Variants in TNNT3 observed in about 807,000 individuals in gnomAD.
TNNT3 encodes the protein troponin T, fast skeletal muscle.
In TNNT3, 36 loss-of-function variants were observed where a neutral mutation model predicts 54.2. That is an observed-to-expected ratio of 0.66 (90% CI 0.51 to 0.88). The LOEUF (loss-of-function observed/expected upper bound fraction) is 0.88. TNNT3 is among the 40% of genes least tolerant of loss of function. TNNT3 has a pLI of 0.00. For missense variants in TNNT3, 291 were observed against 331.6 expected (o/e 0.88, Z 0.95); for synonymous variants, 120 against 109.7 (o/e 1.09, Z -0.59).
chr11:1,936,103 C>A (rs1435958093), intron 14 of TNNT3: 26 of 1,235,192 alleles, frequency 2.1e-5, no homozygotes, highest in Non-Finnish European at 2.9e-5. Flanking sequence ...CCACAGCGGG[C>A]CCCCAGGGGC....
At chr11:1,925,467 G>A (rs1851320315) in intron 5 of TNNT3, 4 of 667,730 alleles carry the variant, frequency 6.0e-6, no homozygotes, top group East Asian at 2.7e-5. Context: ...ATGGGGTCTC[G>A]AGGGTGGGCC....
chr11:1,928,480 G>C (rs903633839), intron 6 of TNNT3, among the ~76,000 whole-genome samples: 1 of 152,202 alleles, frequency 6.6e-6, no homozygotes, highest in Non-Finnish European at 1.5e-5. Flanking sequence ...GCAAGCCCCA[G>C]GGAGGTCAGG....
chr11:1,929,278 G>C, intron 7 of TNNT3, 135 bp downstream of exon 7: 1 of 1,166,846 alleles, frequency 8.6e-7, no homozygotes, highest in South Asian at 1.2e-5. Flanking sequence ...TGGCACGGGG[G>C]CCTCGGAGGG....
chr11:1,929,245 C>T, intron 7 of TNNT3, 102 bp downstream of exon 7: 1 of 1,375,352 alleles, frequency 7.3e-7, no homozygotes, highest in Admixed American at 1.7e-5. Context: ...CCTCCTCCTC[C>T]CTCTGTCCTC....
Position 1,933,850 on chromosome 11 carries a change from G to T in TNNT3, c.288+13G>T, listed in dbSNP as rs1342771399. The T allele has an allele frequency of 6.2e-7, 1 of 1,612,098 alleles. No individual in the cohort carries two copies. The highest frequency in any genetic ancestry group is 1.3e-5 in the African/African-American group (1 of 74,932). ...CAAAGAGAGAATCGTGAGTGGGGCA[G>T]TTCAGGTTGCAGCAGGGGCTGGTGG... On this transcript the variant is annotated intron_variant, in intron 10 of 15. Coordinates refer to ENST00000278317, the MANE Select transcript of TNNT3 (RefSeq NM_006757.4).
intron 14 of TNNT3, chr11:1,936,173 C>T: frequency 6.2e-7 from 1 of 1,613,042 alleles, no homozygotes; most frequent in Non-Finnish European, 8.5e-7. Context: ...CTCGATGCCC[C>T]AGCCGCCCAT....
chr11:1,934,520 C>T (rs755747449), intron 12 of TNNT3, 26 bp from the exon 13 acceptor site: 1 of 1,607,388 alleles, frequency 6.2e-7, no homozygotes. Context: ...AGACCAGGCC[C>T]CTCTCTTTGG....
chr11:1,924,173 C>A (rs1850853055), intron 4 of TNNT3, among the ~76,000 whole-genome samples: 1 of 152,176 alleles, frequency 6.6e-6, no homozygotes, highest in African/African-American at 2.4e-5. Flanking sequence ...CATTTCTCCA[C>A]CTCCATCTCC....
chr11:1,925,212 G>A, intron 5 of TNNT3, 96 bp downstream of exon 5: 6 of 1,604,618 alleles, frequency 3.7e-6, no homozygotes, highest in Non-Finnish European at 5.1e-6. Context: ...GGATTGCTGT[G>A]TGCCCCTGTC....
In TNNT3 at chr11:1,929,102, C is replaced by A; in HGVS notation, c.83-18C>A. 1 of 1,613,314 alleles carries A rather than the reference C, an allele frequency of 6.2e-7. No individual in the cohort carries two copies. The highest frequency in any genetic ancestry group is 1.7e-5 in the Admixed American group (1 of 60,036). On this transcript the variant is annotated intron_variant, in intron 6 of 15. Coordinates refer to ENST00000278317, the MANE Select transcript of TNNT3 (RefSeq NM_006757.4). ...CTTTTCTCTTGCATGTGTGCTTGTGCCTTTTGCCACCTGGAAGACACCGCA... is the reference window on the plus strand; with the variant it reads ...CTTTTCTCTTGCATGTGTGCTTGTGACTTTTGCCACCTGGAAGACACCGCA...
chr11:1,922,904 C>A lies in TNNT3; in HGVS notation c.17+13C>A. ...CTGACGAGGAAGTGTGAGTACCCAGCTGGTGGCTGCCCCCTGCCTGGCTCG... is the reference window on the plus strand; with the variant it reads ...CTGACGAGGAAGTGTGAGTACCCAGATGGTGGCTGCCCCCTGCCTGGCTCG... On this transcript the variant is annotated intron_variant, in intron 2 of 15. Coordinates refer to ENST00000278317, the MANE Select transcript of TNNT3 (RefSeq NM_006757.4). The A allele has an allele frequency of 6.2e-7, 1 of 1,613,804 alleles. No individual in the cohort carries two copies. The highest frequency in any genetic ancestry group is 8.5e-7 in the Non-Finnish European group (1 of 1,180,024).
chr11:1,927,095 C>T (rs76909371), intron 6 of TNNT3, among the ~76,000 whole-genome samples: 21,950 of 152,140 alleles, frequency 0.14, 1,812 homozygotes, highest in Middle Eastern at 0.2. Context: ...CAGGAGAGGC[C>T]TCCACCCTGC....
rs2133464693 is a variant in TNNT3, at chr11:1,934,340, G to A, written c.375G>A (p.Lys125=). Residue 125 remains lysine (K), a synonymous_variant, in exon 12 of 16, where the codon AAG becomes AAA. Transcript: ENST00000278317. The part of the protein sequence containing the change: ...RERQNRLAEE[K]ARREEEDAKR... ...GAATGGGGTCTCCACAGGAGGAAAA[G>A]GCCAGAAGGGAGGAGGAGGATGCCA... The A allele has an allele frequency of 6.2e-7, 1 of 1,613,734 alleles. No individual in the cohort carries two copies. The highest frequency in any genetic ancestry group is 2.2e-5 in the East Asian group (1 of 44,876).
intron 6 of TNNT3, 170 bp from the exon 7 acceptor site, chr11:1,928,950 G>A (rs534181785): frequency 4.1e-5 from 25 of 616,834 alleles, no homozygotes; most frequent in African/African-American, 1.3e-4. Flanking sequence ...TTGATTCACC[G>A]GCCCCAGCTT....
In TNNT3 at chr11:1,929,282, C is replaced by T. The variant is rs1011695921; in HGVS notation, c.106+139C>T. The T allele has an allele frequency of 4.7e-5, 54 of 1,157,622 alleles. No homozygotes were observed. In the South Asian group the frequency reaches 4.9e-4, roughly 11 times the overall value. The allele number at this position is 1,157,622 out of a possible 1,614,324, so 71.7% of individuals were successfully genotyped here. ...TTCTCTTCCCCTGGCACGGGGGCCT[C>T]GGAGGGCCAGGCCTTGCTGCTCCGC... On this transcript the variant is annotated intron_variant, in intron 7 of 15. Coordinates refer to ENST00000278317, the MANE Select transcript of TNNT3 (RefSeq NM_006757.4).
chr11:1,925,173 C>T (rs996906662), intron 5 of TNNT3, 57 bp downstream of exon 5: 1 of 1,598,794 alleles, frequency 6.3e-7, no homozygotes. Flanking sequence ...TCCCGCCCCA[C>T]CCAAAGTTGA....
intron 15 of TNNT3, 58 bp downstream of exon 15, chr11:1,937,061 G>A (rs968752339): frequency 2.6e-5 from 39 of 1,526,994 alleles, no homozygotes; most frequent in Middle Eastern, 2.3e-4. Flanking sequence ...GGGGCCAGCC[G>A]CTGTAGCCAG....
At chr11:1,935,298 C>T (rs1854657309) in intron 14 of TNNT3, 4 of 350,796 alleles carry the variant, frequency 1.1e-5, no homozygotes, top group Admixed American at 3.8e-5. Context: ...CCCGGGGCAC[C>T]GAGTCCGTCT....
chr11:1,937,136 C>A, intron 15 of TNNT3, 133 bp downstream of exon 15: 1 of 973,354 alleles, frequency 1.0e-6, no homozygotes, highest in Non-Finnish European at 1.6e-6. Flanking sequence ...CCGGCCAGGC[C>A]ACCCAGGCCA....
Sources: gnomAD v4.1 joint callset for allele counts (sites outside exome capture counted in the v4.1 genomes callset) on GRCh38, gnomAD v4.1.1 for gene constraint, MANE v1.5 for transcripts, NCBI Gene and HGNC (gene_info 2026-07-23, HGNC 2026-07-21) for gene names.